Variants in PIK3C2G observed in about 807,000 individuals in gnomAD.
PIK3C2G encodes the protein phosphatidylinositol-4-phosphate 3-kinase catalytic subunit type 2 gamma, also known as phosphatidylinositol 3-kinase C2 domain-containing subunit gamma.
Under a neutral mutation model 181.1 loss-of-function variants are expected in PIK3C2G, and 168 were observed. That is an observed-to-expected ratio of 0.93 (90% CI 0.82 to 1.05). The LOEUF (loss-of-function observed/expected upper bound fraction) is 1.05, where lower values mean the gene tolerates loss of function less well. Ranked by LOEUF, PIK3C2G falls within the 50% of genes least tolerant of loss-of-function variation. The pLI, the probability that PIK3C2G is intolerant of heterozygous loss-of-function variation, is 0.00. For synonymous variants in PIK3C2G, 573 were observed against 592.2 expected, an observed-to-expected ratio of 0.97 and a Z score of 0.47; for missense variants, 1,869 against 1,732.8, an observed-to-expected ratio of 1.08 and a Z score of -1.40.
chr12:18,355,978 T>C (rs975484041), intron 11 of PIK3C2G, among the ~76,000 whole-genome samples: 2 of 152,162 alleles, frequency 1.3e-5, no homozygotes, highest in African/African-American at 4.8e-5. Context: ...GACACCTTGA[T>C]AGACACTTGG....
chr12:18,492,887 T>C (rs1405074496), intron 20 of PIK3C2G, among the ~76,000 whole-genome samples: 1 of 152,182 alleles, frequency 6.6e-6, no homozygotes, highest in Non-Finnish European at 1.5e-5. Flanking sequence ...TATAGCACCC[T>C]ACGGTTAGCA....
intron 31 of PIK3C2G, among the ~76,000 whole-genome samples, chr12:18,627,018 G>T (rs1008706500): frequency 5.9e-5 from 9 of 151,438 alleles, no homozygotes; most frequent in Admixed American, 2.0e-4. Context: ...CTCATGGCTT[G>T]GGTCTCTTGA....
chr12:18,673,404 A>G, the PIK3C2G span, among the ~76,000 whole-genome samples: 43 of 152,320 alleles, frequency 2.8e-4, no homozygotes, highest in Middle Eastern at 3.4e-3. Context: ...TATCATAAAC[A>G]GAGCCATTTC....
intron 30 of PIK3C2G, among the ~76,000 whole-genome samples, chr12:18,597,083 T>A (rs1181919859): frequency 6.6e-6 from 1 of 152,038 alleles, no homozygotes; most frequent in Admixed American, 6.6e-5. Flanking sequence ...GGGCTTTCTC[T>A]AATTACCTCA....
At chr12:18,243,821 T>C (rs1482266496), upstream of PIK3C2G, among the ~76,000 whole-genome samples, 3 of 151,944 alleles carry the variant, frequency 2.0e-5, no homozygotes, top group African/African-American at 7.2e-5. Context: ...AAATTAGGTT[T>C]CTAGAAAATA....
rs1228675171 is a variant in PIK3C2G, at chr12:18,562,891, A to G, written c.3779A>G (p.Asn1260Ser). The G allele has an allele frequency of 6.3e-7, 1 of 1,586,612 alleles. No individual in the cohort carries two copies. Among genetic ancestry groups the G allele is most frequent in the East Asian group, 2.3e-5 (1 of 44,268 alleles). The change falls in exon 27 of 33, where the codon AAT becomes AGT. Residue 1260 changes from asparagine to serine, a missense_variant and splice_region_variant. Transcript: ENST00000538779. Reference sequence around the variant, plus strand: ...TTAGGGTTCAGCAAGAAATCCAGTAATGTAAGTTTAAAGTCCGTCATCTTG... The same window carrying G: ...TTAGGGTTCAGCAAGAAATCCAGTAGTGTAAGTTTAAAGTCCGTCATCTTG... ...TILGFSKKSS[N>S]LYLIQVTHSN...
intron 30 of PIK3C2G, among the ~76,000 whole-genome samples, chr12:18,596,273 TC>T (rs1237760601): frequency 8.5e-5 from 13 of 152,048 alleles, no homozygotes; most frequent in African/African-American, 2.9e-4. Context: ...ATTCAGGGTC[TC>T]CGAACTGCTA....
the PIK3C2G span, among the ~76,000 whole-genome samples, chr12:18,680,748 G>T: frequency 6.6e-6 from 1 of 152,030 alleles, no homozygotes; most frequent in Non-Finnish European, 1.5e-5. Context: ...GGAAGCCATA[G>T]GGCATCTCAG....
At chr12:18,650,706 A>G (rs867011376), downstream of PIK3C2G, among the ~76,000 whole-genome samples, 1,014 of 7,766 alleles carry the variant, frequency 0.13, 25 homozygotes, top group African/African-American at 0.25. Context: ...GTGTGTGTGT[A>G]TATATCTATA....
chr12:18,314,067 A>C lies in PIK3C2G; in HGVS notation c.1137+3A>C. 6.7e-7 allele frequency: 1 copy of C among 1,486,614 alleles called. No homozygotes were observed. The highest frequency in any genetic ancestry group is 9.3e-7 in the Non-Finnish European group (1 of 1,080,706). 92.1% of individuals were successfully genotyped at this position (1,486,614 alleles called of 1,614,324 possible). A position where few individuals can be genotyped will look rare whatever the true frequency, so the allele number is the denominator to read the frequency against. ...CTCCAGGAAAGCTATCTCGAAAGGT[A>C]AGACTTTCTTAGCATTGGTTTCAAT... On this transcript the variant is annotated splice_donor_region_variant and intron_variant, in intron 6 of 32. Coordinates refer to ENST00000538779, the MANE Select transcript of PIK3C2G (RefSeq NM_001288772.2).
intron 28 of PIK3C2G, among the ~76,000 whole-genome samples, chr12:18,565,839 G>A (rs780490583): frequency 9.2e-5 from 14 of 151,990 alleles, no homozygotes; most frequent in African/African-American, 2.4e-4. Context: ...AAACTCACAC[G>A]GACATGTGAA....
At chr12:18,398,291 T>G (rs933978788) in intron 15 of PIK3C2G, among the ~76,000 whole-genome samples, 17 of 152,166 alleles carry the variant, frequency 1.1e-4, no homozygotes, top group African/African-American at 4.1e-4. Flanking sequence ...GGAAAAAAAT[T>G]TAATCTGAGC....
chr12:18,651,561 T>C (rs1317852056), downstream of PIK3C2G, among the ~76,000 whole-genome samples: 1 of 152,158 alleles, frequency 6.6e-6, no homozygotes, highest in African/African-American at 2.4e-5. Context: ...CTTGCCCTGG[T>C]GTCCTCACCA....
chr12:18,501,940 C>G (rs1178046074), intron 22 of PIK3C2G, among the ~76,000 whole-genome samples: 2 of 152,154 alleles, frequency 1.3e-5, no homozygotes, highest in Non-Finnish European at 2.9e-5. Context: ...AAGTGACTTT[C>G]TTCAGGAAGT....
chr12:18,647,009 A>C (rs1202980062), intron 32 of PIK3C2G, among the ~76,000 whole-genome samples: 1 of 152,136 alleles, frequency 6.6e-6, no homozygotes, highest in Non-Finnish European at 1.5e-5. Context: ...AGAAAACAAA[A>C]AGAACATCAA....
At chr12:18,391,538 A>G (rs1187702573) in intron 15 of PIK3C2G, among the ~76,000 whole-genome samples, 1 of 152,208 alleles carries the variant, frequency 6.6e-6, no homozygotes, top group Non-Finnish European at 1.5e-5. Context: ...ACATCAGCAC[A>G]TAGCAGTGAT....
intron 26 of PIK3C2G, among the ~76,000 whole-genome samples, chr12:18,552,644 C>T (rs775488255): frequency 6.6e-6 from 1 of 151,908 alleles, no homozygotes; most frequent in African/African-American, 2.4e-5. Flanking sequence ...TGAAAGTCTC[C>T]CATTATTTTT....
intron 11 of PIK3C2G, among the ~76,000 whole-genome samples, chr12:18,355,761 G>T (rs554357315): frequency 2.9e-4 from 44 of 152,338 alleles, no homozygotes; most frequent in African/African-American, 1.0e-3. Flanking sequence ...GGCCATTGGG[G>T]TTTGGGGTCA....
chr12:18,409,927 T>C (rs753627661), intron 16 of PIK3C2G, among the ~76,000 whole-genome samples: 4 of 151,806 alleles, frequency 2.6e-5, no homozygotes, highest in Non-Finnish European at 5.9e-5. Context: ...GAGGAAGAGA[T>C]GGGGAGAGGT....
Sources: allele counts gnomAD v4.1 joint callset (sites outside exome capture counted in the v4.1 genomes callset), GRCh38; gene constraint gnomAD v4.1.1; transcripts MANE v1.5; gene names NCBI Gene and HGNC (gene_info 2026-07-23, HGNC 2026-07-21).